Variants in BIRC6 observed in about 807,000 individuals in gnomAD.
BIRC6 encodes dual E2 ubiquitin-conjugating enzyme/E3 ubiquitin-protein ligase BIRC6.
A neutral mutation model predicts 503.3 loss-of-function variants in BIRC6; 98 were observed. The ratio of observed to expected loss-of-function variants is 0.19; its 90% CI spans 0.17 to 0.23. The LOEUF is 0.23. Among genes scored for constraint, BIRC6 ranks in the 10% least tolerant of loss-of-function variants. The pLI is 1.00. For missense variants in BIRC6, 5,360 were observed against 5,806.0 expected (o/e 0.92, Z 2.50); for synonymous variants, 2,240 against 2,078.7 (o/e 1.08, Z -2.11).
chr2:32,496,398 A>T (rs2052476942), intron 45 of BIRC6, among the ~76,000 whole-genome samples: 1 of 151,608 alleles, frequency 6.6e-6, no homozygotes. Context: ...TAATTTTTGT[A>T]TTTTCAGTAG....
intron 66 of BIRC6, among the ~76,000 whole-genome samples, chr2:32,588,603 A>C (rs2061212144): frequency 6.6e-6 from 1 of 152,082 alleles, no homozygotes; most frequent in Non-Finnish European, 1.5e-5. Flanking sequence ...TCAAGAAGAG[A>C]TGGTTAAAGG....
In BIRC6 at chr2:32,538,522, A is replaced by G. The variant is rs142325916; in HGVS notation, c.12292-4719A>G. Among the ~76,000 whole-genome samples, 535 of 152,380 alleles carry G rather than the reference A, an allele frequency of 3.5e-3. 6 individuals are homozygous for G. The highest frequency in any genetic ancestry group is 0.013 in the African/African-American group (523 of 41,588). ...AAAATAGACTCTTCTAATAAATTAC[A>G]AAAGCCTCTAAGTTCAGGGTGATCT... is the stretch of plus-strand genomic sequence containing the variant. On this transcript the variant is annotated intron_variant, in intron 61 of 73. Transcript: ENST00000421745.
At chr2:32,433,622 C>T (rs766254837) in intron 12 of BIRC6, 22 bp from the exon 13 acceptor site, 3 of 1,522,324 alleles carry the variant, frequency 2.0e-6, no homozygotes, top group East Asian at 2.3e-5. Context: ...CTTTATTTAG[C>T]ATTTTTCCCC....
intron 62 of BIRC6, 109 bp downstream of exon 62, chr2:32,543,650 A>G: frequency 8.9e-7 from 1 of 1,122,248 alleles, no homozygotes. Flanking sequence ...TTAAGCTGTT[A>G]GATGATTTGT....
At chr2:32,530,764 A>G (rs896765818) in intron 60 of BIRC6, among the ~76,000 whole-genome samples, 2 of 152,036 alleles carry the variant, frequency 1.3e-5, no homozygotes, top group African/African-American at 4.8e-5. Flanking sequence ...ATTTTGGTAC[A>G]TTGTCTTTGC....
rs997554133 is a variant in BIRC6 at position 32,468,249 on chromosome 2, C to A, written c.5780+138C>A. 7.9e-6 allele frequency: 8 copies of A among 1,015,652 alleles called. No individual in the cohort carries two copies. The African/African-American group carries it at 1.3e-4, about 17-fold the overall frequency. The allele number at this position is 1,015,652 out of a possible 1,614,324, so 62.9% of individuals were successfully genotyped here. The stretch of plus-strand genomic sequence containing the variant: ...GAGGAAGTAGGAGATTAGCACGTTA[C>A]AATAACACTTAATGCGTGAAAATAT... On this transcript the variant is annotated intron_variant, in intron 28 of 73. Coordinates refer to ENST00000421745, the MANE Select transcript of BIRC6 (RefSeq NM_016252.4).
chr2:32,473,747 GTGTA>G (rs761230716), intron 33 of BIRC6, among the ~76,000 whole-genome samples: 3 of 120,484 alleles, frequency 2.5e-5, no homozygotes, highest in African/African-American at 1.0e-4. Context: ...GTGTGTGTGT[GTGTA>G]TTTTTTTTTT....
At chr2:32,510,063 T>A in intron 52 of BIRC6, 69 bp downstream of exon 52, 3 of 1,525,046 alleles carry the variant, frequency 2.0e-6, no homozygotes, top group Non-Finnish European at 8.9e-7. Flanking sequence ...CTGTGCGATC[T>A]TCGTGCTTAA....
rs1374470555 is a variant in BIRC6 at position 32,368,938 on chromosome 2, C to T, written c.326-8650C>T. Among the ~76,000 whole-genome samples, 5 of 152,276 alleles carry T rather than the reference C, an allele frequency of 3.3e-5. No homozygotes were observed. In the East Asian group the frequency reaches 9.6e-4, roughly 29 times the overall value. ...AAGTGCTGGGATTACAGGTGTGAGC[C>T]ACTGTGTCATTATGGCATTAATTAC... is the stretch of plus-strand genomic sequence containing the variant. On this transcript the variant is annotated intron_variant, in intron 1 of 73. Coordinates refer to ENST00000421745, the MANE Select transcript of BIRC6 (RefSeq NM_016252.4).
intron 3 of BIRC6, among the ~76,000 whole-genome samples, chr2:32,381,473 C>G (rs971298453): frequency 2.6e-5 from 4 of 151,418 alleles, no homozygotes; most frequent in African/African-American, 9.7e-5. Flanking sequence ...CTCCCGACCT[C>G]AGGTGATCTG....
rs1009544018 is a variant in BIRC6, at chr2:32,478,939, C to G, written c.7252+121C>G. ...TTTAACCCCCTAAAAGCATAAAGGT[C>G]TGTTTAATCGGTGTGATGTTATAGC... On this transcript the variant is annotated intron_variant, in intron 36 of 73. Transcript: ENST00000421745. 4.7e-5 allele frequency: 43 copies of G among 914,780 alleles called. 1 individual carries two copies. The highest frequency in any genetic ancestry group is 3.4e-4 in the South Asian group (20 of 59,184). The allele number at this position is 914,780 out of a possible 1,614,324, so 56.7% of individuals were successfully genotyped here.
Position 32,439,653 on chromosome 2 carries a change from T to A in BIRC6, c.3777T>A (p.Leu1259=), listed in dbSNP as rs1242433881. The A allele has an allele frequency of 6.2e-7, 1 of 1,613,838 alleles. No individual in the cohort carries two copies. The highest frequency in any genetic ancestry group is 8.5e-7 in the Non-Finnish European group (1 of 1,179,828). The stretch of plus-strand genomic sequence containing the variant: ...ACCAGAGTAACAAGGGTTATTCACT[T>A]GCTTCACTTTTGGCTAAAGTTGCAG... The part of the protein sequence containing the change: ...LKHQSNKGYS[L]ASLLAKVAAG... The change falls in exon 16 of 74, where the codon CTT becomes CTA. Residue 1259 remains leucine, a synonymous_variant. Transcript: ENST00000421745.
In BIRC6 at chr2:32,424,595, A is replaced by G. The variant is rs113086951; in HGVS notation, c.2873-4551A>G. Among the ~76,000 whole-genome samples the G allele has an allele frequency of 5.2e-3, 782 of 151,800 alleles. 5 individuals carry two copies. Among genetic ancestry groups the G allele is most frequent in the African/African-American group, 0.018 (737 of 41,370 alleles). On this transcript the variant is annotated intron_variant, in intron 10 of 73. Transcript: ENST00000421745. ...ACTGACGCGATCTCGGCTCACTGCA[A>G]CCTTTGCCTCCCCGGCTCTAGTGAG...
chr2:32,513,221 A>G (rs1334307595), intron 54 of BIRC6, 67 bp downstream of exon 54: 1 of 1,170,428 alleles, frequency 8.5e-7, no homozygotes, highest in African/African-American at 1.5e-5. Flanking sequence ...ACTTGATAAA[A>G]CAAAATATTT....
intron 38 of BIRC6, 119 bp from the exon 39 acceptor site, chr2:32,482,310 A>C (rs950243325): frequency 2.0e-6 from 2 of 1,023,002 alleles, no homozygotes; most frequent in African/African-American, 3.2e-5. Context: ...GATTTGGGAA[A>C]TTTAAAGGGT....
chr2:32,411,678 A>T (rs185967387), intron 9 of BIRC6, among the ~76,000 whole-genome samples: 1 of 151,908 alleles, frequency 6.6e-6, no homozygotes, highest in East Asian at 1.9e-4. Flanking sequence ...GGGTTTCACC[A>T]TGTTGGAGAG....
chr2:32,461,209 A>C lies in BIRC6; in HGVS notation c.4754-1985A>C, dbSNP rs1572395102. 2.0e-5 allele frequency among the ~76,000 whole-genome samples: 2 copies of C among 97,924 alleles called. 1 individual carries two copies. Among genetic ancestry groups the C allele is most frequent in the Non-Finnish European group, 4.1e-5 (2 of 49,298 alleles). The allele number at this position is 97,924 out of a possible 152,430, so 64.2% of individuals were successfully genotyped here. ...CTCCCCTCCCCTTCCCTTTTTTCTA[A>C]CTCCATCACCCAGACTGGAGTGCAG... On this transcript the variant is annotated intron_variant, in intron 23 of 73. Coordinates refer to ENST00000421745, the MANE Select transcript of BIRC6 (RefSeq NM_016252.4).
chr2:32,455,379 CAA>C (rs758202958), intron 23 of BIRC6, among the ~76,000 whole-genome samples: 96 of 88,708 alleles, frequency 1.1e-3, no homozygotes, highest in Admixed American at 1.4e-3. Flanking sequence ...ACTCTGTCTC[CAA>C]AAAAAAAAAA....
In BIRC6 at chr2:32,470,159, T is replaced by C; in HGVS notation, c.6348-9T>C. On this transcript the variant is annotated splice_polypyrimidine_tract_variant and intron_variant, in intron 30 of 73. Coordinates refer to ENST00000421745, the MANE Select transcript of BIRC6 (RefSeq NM_016252.4). ...TTATTCTTTTCTTTTTTGTTTGTTT[T>C]GTTTTTAGGGTCTTCATGTTACTTT... 1 of 1,491,238 alleles carries C rather than the reference T, an allele frequency of 6.7e-7. No individual in the cohort carries two copies. The allele number at this position is 1,491,238 out of a possible 1,614,324, so 92.4% of individuals were successfully genotyped here. A position where few individuals can be genotyped will look rare whatever the true frequency, so the allele number is the denominator to read the frequency against.
Sources: gnomAD v4.1 joint callset for allele counts (sites outside exome capture counted in the v4.1 genomes callset) on GRCh38, gnomAD v4.1.1 for gene constraint, MANE v1.5 for transcripts, NCBI Gene and HGNC (gene_info 2026-07-23, HGNC 2026-07-21) for gene names.